The following MED13 variants were observed in gnomAD, a reference collection of about 807,000 sequenced individuals.
MED13 encodes mediator complex subunit 13, also known as mediator of RNA polymerase II transcription subunit 13.
A neutral mutation model predicts 225.2 loss-of-function variants in MED13; 23 were observed. The ratio of observed to expected loss-of-function variants is 0.10; its 90% CI spans 0.07 to 0.14. MED13 has a LOEUF of 0.14. Ranked by LOEUF, MED13 falls within the 10% of genes least tolerant of loss-of-function variation. The pLI, the probability that MED13 is intolerant of heterozygous loss-of-function variation, is 1.00. For missense variants in MED13, 2,197 were observed against 2,594.5 expected, an observed-to-expected ratio of 0.85 and a Z score of 3.33; for synonymous variants, 942 against 889.2, an observed-to-expected ratio of 1.06 and a Z score of -1.06.
At chr17:62,061,555 T>C (rs1226258751) in intron 2 of MED13, among the ~76,000 whole-genome samples, 2 of 152,190 alleles carry the variant, frequency 1.3e-5, no homozygotes, top group African/African-American at 4.8e-5. Flanking sequence ...TCAACAAATA[T>C]ATTTTATCAA....
At chr17:61,973,700 G>A (rs868009043) in intron 16 of MED13, among the ~76,000 whole-genome samples, 1 of 152,112 alleles carries the variant, frequency 6.6e-6, no homozygotes, top group Non-Finnish European at 1.5e-5. Flanking sequence ...AAAGTGTAGT[G>A]GCTGGGCCCA....
At chr17:62,039,400 T>C (rs931629329) in intron 3 of MED13, among the ~76,000 whole-genome samples, 14 of 152,064 alleles carry the variant, frequency 9.2e-5, no homozygotes, top group East Asian at 3.9e-4. Context: ...CTTCTTCCTC[T>C]GCCTCCTGAG....
At chr17:61,975,969 T>G (rs539117487) in intron 16 of MED13, among the ~76,000 whole-genome samples, 2 of 151,894 alleles carry the variant, frequency 1.3e-5, no homozygotes, top group Non-Finnish European at 2.9e-5. Flanking sequence ...TGAGCCAAGA[T>G]TGCGCCACTG....
chr17:61,982,835 A>C lies in MED13; in HGVS notation c.3168T>G (p.Ser1056=). 1.9e-6 allele frequency: 3 copies of C among 1,614,226 alleles called. No individual in the cohort carries two copies. The highest frequency in any genetic ancestry group is 2.5e-6 in the Non-Finnish European group (3 of 1,180,048). Reference sequence around the variant, plus strand: ...TGGAAGGGACAGTTGCAGGTTCAACAGAATTAAGGGGTCTGCATGTAGATG... The same window carrying C: ...TGGAAGGGACAGTTGCAGGTTCAACCGAATTAAGGGGTCTGCATGTAGATG... ...STPSTCRPLN[S]VEPATVPSIP... The change falls in exon 16 of 30, where the codon TCT becomes TCG. Residue 1056 remains serine, a synonymous_variant. Coordinates refer to ENST00000397786, the MANE Select transcript of MED13 (RefSeq NM_005121.3).
chr17:62,059,999 A>C (rs2081025550), intron 2 of MED13, among the ~76,000 whole-genome samples: 1 of 152,116 alleles, frequency 6.6e-6, no homozygotes, highest in African/African-American at 2.4e-5. Flanking sequence ...ATAAATTTTT[A>C]AGTTATTTAC....
rs780823866 is a variant in MED13 at position 61,968,018 on chromosome 17, T to C, written c.4191+17A>G. ...CGTAAGGTAGTTTTAAAATGTCATC[T>C]CTTTTTAAACACCTACCTCATATAT... On this transcript the variant is annotated intron_variant, in intron 18 of 29. Coordinates refer to ENST00000397786, the MANE Select transcript of MED13 (RefSeq NM_005121.3). The C allele has an allele frequency of 5.7e-6, 9 of 1,574,012 alleles. No homozygotes were observed. The African/African-American group carries it at 1.1e-4, about 19-fold the overall frequency.
chr17:61,968,744 A>C (rs1049482270), intron 17 of MED13, among the ~76,000 whole-genome samples: 2 of 152,144 alleles, frequency 1.3e-5, no homozygotes, highest in Non-Finnish European at 2.9e-5. Context: ...TTTCCTAAAC[A>C]AGTCTTTTTA....
At chr17:61,947,253 G>T (rs1274586425) in intron 28 of MED13, among the ~76,000 whole-genome samples, 6 of 146,426 alleles carry the variant, frequency 4.1e-5, no homozygotes, top group African/African-American at 1.5e-4. Flanking sequence ...GGCTGGTCTT[G>T]AACTCCTGGC....
intron 8 of MED13, among the ~76,000 whole-genome samples, chr17:62,021,445 G>A (rs1377473555): frequency 6.6e-6 from 1 of 151,416 alleles, no homozygotes; most frequent in Non-Finnish European, 1.5e-5. Flanking sequence ...CTCCCGGACG[G>A]GGCGGCTGGC....
chr17:62,055,408 AC>A (rs2080988959), intron 2 of MED13, among the ~76,000 whole-genome samples: 1 of 152,060 alleles, frequency 6.6e-6, no homozygotes, highest in East Asian at 1.9e-4. Context: ...AAAAAAAAAA[AC>A]CTTTGCAATA....
intron 5 of MED13, chr17:62,032,546 T>G (rs2080767138): frequency 6.6e-6 from 1 of 152,008 alleles, no homozygotes; most frequent in African/African-American, 2.4e-5. Flanking sequence ...TTAGATTCCC[T>G]TAAATACAAT....
chr17:62,038,746 C>T lies in MED13; in HGVS notation c.471-3138G>A, dbSNP rs113269136. ...TGATACAATCGTAGCTTGCTGCAGC[C>T]TCAAACTACTGGACTCAAGAAATCC... On this transcript the variant is annotated intron_variant, in intron 3 of 29. Coordinates refer to ENST00000397786, the MANE Select transcript of MED13 (RefSeq NM_005121.3). Among the ~76,000 whole-genome samples, 365 of 152,216 alleles carry T rather than the reference C, an allele frequency of 2.4e-3. 1 individual carries two copies. The highest frequency in any genetic ancestry group is 8.4e-3 in the African/African-American group (350 of 41,524).
chr17:61,984,035 A>G (rs1418306930), intron 15 of MED13, 136 bp downstream of exon 15: 2 of 647,398 alleles, frequency 3.1e-6, no homozygotes, highest in South Asian at 3.3e-5. Flanking sequence ...GCCAATCACT[A>G]TAATTGATTA....
chr17:61,995,497 A>T, intron 9 of MED13, 132 bp from the exon 10 acceptor site: 1 of 598,494 alleles, frequency 1.7e-6, no homozygotes, highest in Non-Finnish European at 2.7e-6. Context: ...TTCAGAAATG[A>T]GGAGGCATGA....
At chr17:62,021,670 A>T (rs1174197106) in intron 8 of MED13, among the ~76,000 whole-genome samples, 4 of 152,262 alleles carry the variant, frequency 2.6e-5, no homozygotes, top group African/African-American at 9.6e-5. Flanking sequence ...AATGGCAAAA[A>T]ATAATTTTGA....
chr17:62,047,979 C>G (rs1463262314), intron 3 of MED13, among the ~76,000 whole-genome samples: 1 of 147,184 alleles, frequency 6.8e-6, no homozygotes. Flanking sequence ...CCACAGAATC[C>G]CAGAAAGGCT....
chr17:62,042,050 C>A (rs1031916721), intron 3 of MED13, among the ~76,000 whole-genome samples: 1 of 152,178 alleles, frequency 6.6e-6, no homozygotes, highest in Admixed American at 6.6e-5. Context: ...ATTCCCACAT[C>A]CAGACAAGTT....
At chr17:62,065,033 T>C in intron 1 of MED13, 107 bp downstream of exon 1, 1 of 1,029,286 alleles carries the variant, frequency 9.7e-7, no homozygotes, top group South Asian at 2.1e-5. Flanking sequence ...CGGCTGGGCC[T>C]CGCCCGGGAA....
chr17:61,980,020 C>G (rs2080190087), intron 16 of MED13, among the ~76,000 whole-genome samples: 1 of 152,096 alleles, frequency 6.6e-6, no homozygotes, highest in African/African-American at 2.4e-5. Context: ...GAAACCTCGT[C>G]TCTACTAAAA....
Sources: gnomAD v4.1 joint callset for allele counts (sites outside exome capture counted in the v4.1 genomes callset) on GRCh38, gnomAD v4.1.1 for gene constraint, MANE v1.5 for transcripts, NCBI Gene and HGNC (gene_info 2026-07-23, HGNC 2026-07-21) for gene names.